RIMBP2: variants seen among roughly 807,000 people sequenced by gnomAD.
RIMBP2 encodes RIMS-binding protein 2.
RIMBP2 carries 48 observed loss-of-function variants against 118.6 expected under a neutral mutation model. That is an observed-to-expected ratio of 0.40 (90% CI 0.32 to 0.51). The LOEUF (loss-of-function observed/expected upper bound fraction) is 0.51. Ranked by LOEUF, RIMBP2 falls within the 20% of genes least tolerant of loss-of-function variation. The pLI is 0.41. For missense variants in RIMBP2, 1,551 were observed against 1,768.3 expected (o/e 0.88, Z 2.20); for synonymous variants, 762 against 742.9 (o/e 1.03, Z -0.42).
At chr12:130,509,734 G>T (rs575985663) in intron 3 of RIMBP2, among the ~76,000 whole-genome samples, 1 of 137,724 alleles carries the variant, frequency 7.3e-6, no homozygotes, top group Non-Finnish European at 1.5e-5. Flanking sequence ...CTGCCCCCCC[G>T]CCCCGGCAAC....
At chr12:130,701,916 G>T (rs188538346) in intron 1 of RIMBP2, among the ~76,000 whole-genome samples, 482 of 152,090 alleles carry the variant, frequency 3.2e-3, no homozygotes, top group Non-Finnish European at 5.3e-3. Context: ...GCCCACACAC[G>T]TATGTTCTAG....
At chr12:130,625,615 AGAGT>A (rs2061574072) in intron 2 of RIMBP2, among the ~76,000 whole-genome samples, 1 of 152,192 alleles carries the variant, frequency 6.6e-6, no homozygotes, top group African/African-American at 2.4e-5. Flanking sequence ...ATTCCCTTCT[AGAGT>A]GAGAACAAGA....
intron 1 of RIMBP2, among the ~76,000 whole-genome samples, chr12:130,668,718 G>A (rs532070657): frequency 7.2e-5 from 11 of 152,374 alleles, no homozygotes; most frequent in South Asian, 2.1e-4. Flanking sequence ...CTGCATGGCC[G>A]GCTCTCCCCT....
chr12:130,644,913 C>T (rs940656804), intron 1 of RIMBP2, among the ~76,000 whole-genome samples: 2 of 152,220 alleles, frequency 1.3e-5, no homozygotes, highest in Non-Finnish European at 2.9e-5. Context: ...TTAAGCAGCA[C>T]CTGCCAGCGG....
chr12:130,490,431 G>C (rs866851642), intron 4 of RIMBP2, among the ~76,000 whole-genome samples: 2 of 152,208 alleles, frequency 1.3e-5, no homozygotes, highest in East Asian at 3.9e-4. Flanking sequence ...AAAATAAATG[G>C]TTTTGATGCT....
intron 1 of RIMBP2, among the ~76,000 whole-genome samples, chr12:130,636,641 A>G (rs898716766): frequency 6.6e-6 from 1 of 152,220 alleles, no homozygotes; most frequent in Admixed American, 6.5e-5. Flanking sequence ...TGGGGAAATG[A>G]GTGAACACTA....
intron 4 of RIMBP2, among the ~76,000 whole-genome samples, chr12:130,498,975 T>C (rs992611057): frequency 1.3e-5 from 2 of 152,214 alleles, no homozygotes; most frequent in South Asian, 4.1e-4. Context: ...ACTGAGTAAT[T>C]TGTGAAGAAA....
chr12:130,503,680 T>G (rs2050025803), intron 4 of RIMBP2, among the ~76,000 whole-genome samples: 1 of 152,236 alleles, frequency 6.6e-6, no homozygotes, highest in African/African-American at 2.4e-5. Context: ...CAGCACGCCA[T>G]GCTTTGTTTT....
rs78081776 is a variant in RIMBP2 at position 130,627,535 on chromosome 12, G to A, written c.-217+787C>T. On this transcript the variant is annotated intron_variant, in intron 2 of 22. Transcript: ENST00000690449. Reference sequence around the variant, plus strand: ...TGACCATCGAACTGTGGATTTTCCCGTGTATTTAGGTGTCAGTCGGGTAAC... The same window carrying A: ...TGACCATCGAACTGTGGATTTTCCCATGTATTTAGGTGTCAGTCGGGTAAC... Among the ~76,000 whole-genome samples, 1,208 of 152,278 alleles carry A rather than the reference G, an allele frequency of 7.9e-3. 10 individuals are homozygous for A. Among genetic ancestry groups the A allele is most frequent in the Non-Finnish European group, 0.01 (690 of 68,016 alleles).
chr12:130,499,757 G>A (rs1488820291), intron 4 of RIMBP2, among the ~76,000 whole-genome samples: 1 of 152,104 alleles, frequency 6.6e-6, no homozygotes, highest in Non-Finnish European at 1.5e-5. Flanking sequence ...GCTCTTCCAT[G>A]ACTATCACTC....
intron 1 of RIMBP2, among the ~76,000 whole-genome samples, chr12:130,693,227 T>G (rs1296165165): frequency 6.6e-6 from 1 of 152,112 alleles, no homozygotes; most frequent in Admixed American, 6.5e-5. Flanking sequence ...GCCATGGTCA[T>G]GTAATGATTC....
chr12:130,438,350 C>CCCCCCCA lies in RIMBP2; in HGVS notation c.1656+14_1656+15insTGGGGGG. 6.3e-7 allele frequency: 1 copy of CCCCCCCA among 1,583,326 alleles called. No individual in the cohort carries two copies. Among genetic ancestry groups the CCCCCCCA allele is most frequent in the East Asian group, 2.2e-5 (1 of 44,644 alleles). ...GGCCTAACAAACCCTCCCCACCCAC[C>CCCCCCCA]CAACGAAAACTCACCCTCTGCCCTT... On this transcript the variant is annotated intron_variant, in intron 12 of 22. Coordinates refer to ENST00000690449, the MANE Select transcript of RIMBP2 (RefSeq NM_001393629.1).
In RIMBP2 at chr12:130,422,069, G is replaced by C. The variant is rs1001805040; in HGVS notation, c.3238+384C>G. On this transcript the variant is annotated intron_variant, in intron 17 of 22. Transcript: ENST00000690449. This position sits in a 1 kb window ranked among gnomAD's most constrained non-coding sequence, Gnocchi z 5.2. ...CTGCAGACAGGCAGCATTCCCTCGG[G>C]TGGGGCTCACAGACCCCTGAGGCAC... is the stretch of plus-strand genomic sequence containing the variant. Among the ~76,000 whole-genome samples the C allele has an allele frequency of 2.0e-5, 3 of 152,150 alleles. No homozygotes were observed. The highest frequency in any genetic ancestry group is 4.4e-5 in the Non-Finnish European group (3 of 68,034).
At chr12:130,651,554 C>G (rs2063233779) in intron 1 of RIMBP2, 1 of 152,252 alleles carries the variant, frequency 6.6e-6, no homozygotes, top group Non-Finnish European at 1.5e-5. Flanking sequence ...CACAGCCGTC[C>G]TGGCATGGCG....
chr12:130,645,627 C>T (rs1451121213), intron 1 of RIMBP2, among the ~76,000 whole-genome samples: 1 of 152,194 alleles, frequency 6.6e-6, no homozygotes, highest in Non-Finnish European at 1.5e-5. Context: ...AGGTCAAAGC[C>T]ATTTTGTGGC....
intron 5 of RIMBP2, among the ~76,000 whole-genome samples, chr12:130,477,385 C>T (rs1183942479): frequency 6.6e-6 from 1 of 152,138 alleles, no homozygotes; most frequent in Non-Finnish European, 1.5e-5. Flanking sequence ...CGCCTGGGGA[C>T]GTGGCTTCTG....
At chr12:130,596,439 T>C (rs1047146094) in intron 2 of RIMBP2, among the ~76,000 whole-genome samples, 7 of 141,882 alleles carry the variant, frequency 4.9e-5, no homozygotes, top group African/African-American at 1.8e-4. Flanking sequence ...CAAGGCCACA[T>C]AGCCCATCAA....
At chr12:130,537,365 G>A (rs2054169488) in intron 2 of RIMBP2, among the ~76,000 whole-genome samples, 3 of 152,236 alleles carry the variant, frequency 2.0e-5, no homozygotes, top group African/African-American at 7.2e-5. Context: ...TTTTGCCACT[G>A]GCAGCGTAAG....
chr12:130,695,526 G>A (rs1005376888), intron 1 of RIMBP2, among the ~76,000 whole-genome samples: 3 of 152,188 alleles, frequency 2.0e-5, no homozygotes, highest in African/African-American at 4.8e-5. Flanking sequence ...AGGTTCGCTC[G>A]AGTCCAGGAG....
Sources: allele counts gnomAD v4.1 joint callset (sites outside exome capture counted in the v4.1 genomes callset), GRCh38; gene constraint gnomAD v4.1.1; non-coding constraint Gnocchi (gnomAD v3.1); transcripts MANE v1.5; gene names NCBI Gene and HGNC (gene_info 2026-07-23, HGNC 2026-07-21).